JAKMIP2: variants seen among roughly 807,000 people sequenced by gnomAD.
JAKMIP2 encodes the protein janus kinase and microtubule-interacting protein 2.
A neutral mutation model predicts 115.0 loss-of-function variants in JAKMIP2; 25 were observed. The ratio of observed to expected loss-of-function variants is 0.22; its 90% CI spans 0.16 to 0.30. JAKMIP2 has a LOEUF of 0.30. Among genes scored for constraint, JAKMIP2 ranks in the 10% least tolerant of loss-of-function variants. JAKMIP2 has a pLI of 1.00. For missense variants in JAKMIP2, 642 were observed against 957.6 expected (o/e 0.67, Z 4.35); for synonymous variants, 334 against 343.6 (o/e 0.97, Z 0.31).
intron 1 of JAKMIP2, among the ~76,000 whole-genome samples, chr5:147,737,247 A>T (rs1162373220): frequency 6.6e-6 from 1 of 152,232 alleles, no homozygotes; most frequent in Non-Finnish European, 1.5e-5. Context: ...TAGTCTTGTT[A>T]TAACTCTGCT....
At chr5:147,683,952 A>G (rs1429121118) in intron 1 of JAKMIP2, among the ~76,000 whole-genome samples, 1 of 152,188 alleles carries the variant, frequency 6.6e-6, no homozygotes, top group Non-Finnish European at 1.5e-5. Context: ...GGCTATTAGT[A>G]TTTTCCCTAT....
chr5:147,721,227 C>G (rs1753269277), intron 1 of JAKMIP2, among the ~76,000 whole-genome samples: 1 of 151,670 alleles, frequency 6.6e-6, no homozygotes, highest in Non-Finnish European at 1.5e-5. Context: ...CAGCTGCGTG[C>G]TGGGAGAACC....
intron 1 of JAKMIP2, among the ~76,000 whole-genome samples, chr5:147,675,081 T>C (rs1759860195): frequency 1.3e-5 from 2 of 152,348 alleles, no homozygotes; most frequent in South Asian, 4.1e-4. Flanking sequence ...TTCTACAGAA[T>C]TGCTTGTAGC....
Position 147,708,667 on chromosome 5 carries a change from T to C in JAKMIP2, c.-148-36713A>G, listed in dbSNP as rs140768542. 2.3e-3 allele frequency among the ~76,000 whole-genome samples: 347 copies of C among 152,348 alleles called. 19 individuals are homozygous for C. The East Asian group carries it at 0.059, about 26-fold the overall frequency. On this transcript the variant is annotated intron_variant, in intron 1 of 21. Coordinates refer to ENST00000616793, the MANE Select transcript of JAKMIP2 (RefSeq NM_001270941.2). The stretch of plus-strand genomic sequence containing the variant: ...TTCAATGTTCCTGAAATCGAGATGC[T>C]TTTTAAAATTGATGTATGTTTTTTT...
At chr5:147,591,741 CAT>C (rs2126544449) in intron 21 of JAKMIP2, 55 bp from the exon 22 acceptor site, 1 of 1,097,504 alleles carries the variant, frequency 9.1e-7, no homozygotes, top group East Asian at 2.4e-5. Flanking sequence ...ATAGCTGAAT[CAT>C]AAAAAACAAA....
intron 21 of JAKMIP2, chr5:147,594,627 C>G (rs1278166333): frequency 3.4e-6 from 1 of 293,242 alleles, no homozygotes; most frequent in East Asian, 8.4e-5. Flanking sequence ...CTGTGCCCAG[C>G]TAATGCCACA....
chr5:147,708,731 A>G (rs1752671888), intron 1 of JAKMIP2, among the ~76,000 whole-genome samples: 1 of 152,196 alleles, frequency 6.6e-6, no homozygotes, highest in Admixed American at 6.5e-5. Flanking sequence ...GCAAAATGCA[A>G]TGAATTATGT....
chr5:147,644,646 C>T (rs900399743), intron 6 of JAKMIP2, among the ~76,000 whole-genome samples: 3 of 152,144 alleles, frequency 2.0e-5, no homozygotes, highest in Non-Finnish European at 4.4e-5. Flanking sequence ...GGAAGCACTC[C>T]TACAGTTTTG....
intron 5 of JAKMIP2, among the ~76,000 whole-genome samples, chr5:147,645,303 C>T (rs1278765517): frequency 6.6e-6 from 1 of 152,086 alleles, no homozygotes; most frequent in Non-Finnish European, 1.5e-5. Flanking sequence ...TCTTTCGCTT[C>T]CCCGACTTGT....
intron 20 of JAKMIP2, among the ~76,000 whole-genome samples, chr5:147,602,352 C>T (rs1032945594): frequency 3.9e-5 from 6 of 152,148 alleles, no homozygotes; most frequent in African/African-American, 1.2e-4. Flanking sequence ...CACAGTGGAA[C>T]ATTTCAGAGA....
chr5:147,755,046 C>T (rs905165287), intron 1 of JAKMIP2, among the ~76,000 whole-genome samples: 2 of 152,050 alleles, frequency 1.3e-5, no homozygotes, highest in Non-Finnish European at 2.9e-5. Context: ...AGAGTTGGAG[C>T]GTTATTCCAT....
At chr5:147,645,987 T>C (rs1758114740) in intron 5 of JAKMIP2, among the ~76,000 whole-genome samples, 2 of 152,198 alleles carry the variant, frequency 1.3e-5, no homozygotes, top group East Asian at 1.9e-4. Flanking sequence ...CAGCTTCTCA[T>C]GATTAGCTTA....
intron 1 of JAKMIP2, among the ~76,000 whole-genome samples, chr5:147,751,846 G>A (rs1342929409): frequency 6.6e-6 from 1 of 152,158 alleles, no homozygotes; most frequent in Non-Finnish European, 1.5e-5. Context: ...GCAGGCTTAA[G>A]TGGTGCTGTG....
chr5:147,646,731 T>C (rs1363121139), intron 5 of JAKMIP2, among the ~76,000 whole-genome samples: 1 of 151,424 alleles, frequency 6.6e-6, no homozygotes, highest in Non-Finnish European at 1.5e-5. Flanking sequence ...AAAAATCTGA[T>C]GTAGTTCAAC....
intron 3 of JAKMIP2, among the ~76,000 whole-genome samples, chr5:147,653,286 C>A (rs191969112): frequency 6.6e-6 from 1 of 152,314 alleles, no homozygotes; most frequent in East Asian, 1.9e-4. Context: ...AATAACCACC[C>A]TGTCCTCAAC....
chr5:147,604,514 C>T (rs540272958), intron 20 of JAKMIP2, among the ~76,000 whole-genome samples: 37 of 152,080 alleles, frequency 2.4e-4, no homozygotes, highest in Non-Finnish European at 2.2e-4. Context: ...GCCTGGTGGT[C>T]TAGCTACTTG....
chr5:147,663,976 C>T lies in JAKMIP2; in HGVS notation c.130-2531G>A, dbSNP rs984422485. ...TCCATGTAAAATATACTCTGGATTT[C>T]GAAGACTTAGTGCGAGGTAAAGAAT... On this transcript the variant is annotated intron_variant, in intron 2 of 21. Transcript: ENST00000616793. Among the ~76,000 whole-genome samples, 8 of 152,094 alleles carry T rather than the reference C, an allele frequency of 5.3e-5. No individual in the cohort carries two copies. In the South Asian group the frequency reaches 6.2e-4, roughly 12 times the overall value.
chr5:147,602,836 A>G (rs946589784), intron 20 of JAKMIP2, among the ~76,000 whole-genome samples: 5 of 152,188 alleles, frequency 3.3e-5, no homozygotes, highest in Admixed American at 6.5e-5. Context: ...TGTTATTAGC[A>G]TATTTCCTTT....
chr5:147,689,941 G>A (rs565747044), intron 1 of JAKMIP2, among the ~76,000 whole-genome samples: 1 of 152,176 alleles, frequency 6.6e-6, no homozygotes, highest in Non-Finnish European at 1.5e-5. Flanking sequence ...AGATAACTAT[G>A]TAAGTTACAT....
Sources: allele counts gnomAD v4.1 joint callset (sites outside exome capture counted in the v4.1 genomes callset), GRCh38; gene constraint gnomAD v4.1.1; transcripts MANE v1.5; gene names NCBI Gene and HGNC (gene_info 2026-07-23, HGNC 2026-07-21).